Variants in CLXN observed in about 807,000 individuals in gnomAD.
CLXN encodes the protein EF-hand calcium binding domain 1.
the CLXN span, among the ~76,000 whole-genome samples, chr8:48,733,245 A>G: frequency 1.3e-5 from 2 of 152,144 alleles, no homozygotes; most frequent in African/African-American, 2.4e-5. Flanking sequence ...TTGGTTAGCC[A>G]TTTTTCCATC....
At chr8:48,729,885 TA>T in the CLXN span, 4 of 1,597,316 alleles carry the variant, frequency 2.5e-6, no homozygotes, top group Non-Finnish European at 3.4e-6. Flanking sequence ...TTTAAGAAAA[TA>T]ACAAATCATG....
the CLXN span, chr8:48,730,690 T>G: frequency 1.5e-4 from 164 of 1,127,444 alleles, 1 homozygote; most frequent in Non-Finnish European, 2.0e-4. Flanking sequence ...GCATAATAAC[T>G]CTCAGTAAAG....
the CLXN span, among the ~76,000 whole-genome samples, chr8:48,726,781 C>G: frequency 1.3e-5 from 2 of 149,532 alleles, 1 homozygote; most frequent in South Asian, 4.3e-4. Flanking sequence ...ACCCACCCAC[C>G]TCACCCATCA....
chr8:48,720,316 C>T, the CLXN span, among the ~76,000 whole-genome samples: 1 of 152,150 alleles, frequency 6.6e-6, no homozygotes, highest in Non-Finnish European at 1.5e-5. Context: ...TTGCAGACAG[C>T]CTATAAATGG....
the CLXN span, among the ~76,000 whole-genome samples, chr8:48,727,257 T>C: frequency 6.9e-6 from 1 of 145,458 alleles, no homozygotes; most frequent in Non-Finnish European, 1.5e-5. Flanking sequence ...CATCCATCCA[T>C]CTCTCATTAC....
At chr8:48,713,311 C>T in the CLXN span, among the ~76,000 whole-genome samples, 82 of 152,234 alleles carry the variant, frequency 5.4e-4, no homozygotes, top group Middle Eastern at 3.4e-3. Context: ...TTTGTAGTCG[C>T]TCTATGTCTA....
At chr8:48,725,958 C>T in the CLXN span, among the ~76,000 whole-genome samples, 1 of 151,852 alleles carries the variant, frequency 6.6e-6, no homozygotes, top group East Asian at 1.9e-4. Flanking sequence ...CCAGAGCTCC[C>T]CATCAGGCAC....
the CLXN span, chr8:48,712,416 C>A: frequency 6.6e-6 from 1 of 152,456 alleles, no homozygotes; most frequent in East Asian, 1.9e-4. Flanking sequence ...CCCCAGGGAC[C>A]TCTGTGAGCC....
At chr8:48,713,160 G>T in the CLXN span, among the ~76,000 whole-genome samples, 2 of 152,160 alleles carry the variant, frequency 1.3e-5, no homozygotes, top group African/African-American at 4.8e-5. Flanking sequence ...CTCAATCCCT[G>T]ACAGAGAGGG....
chr8:48,717,625 C>G, the CLXN span, among the ~76,000 whole-genome samples: 1 of 152,054 alleles, frequency 6.6e-6, no homozygotes, highest in Non-Finnish European at 1.5e-5. Flanking sequence ...AATATGTAGA[C>G]AAATACAGAA....
the CLXN span, chr8:48,714,063 C>T: frequency 6.6e-6 from 1 of 152,220 alleles, no homozygotes; most frequent in African/African-American, 2.4e-5. Flanking sequence ...TATAACTGCT[C>T]ATCCACAGTC....
chr8:48,720,591 G>A, the CLXN span, among the ~76,000 whole-genome samples: 6 of 152,184 alleles, frequency 3.9e-5, no homozygotes, highest in Non-Finnish European at 7.3e-5. Flanking sequence ...TGTTTAAGAT[G>A]TTTATCAAGA....
chr8:48,733,752 A>C, the CLXN span, among the ~76,000 whole-genome samples: 3 of 152,200 alleles, frequency 2.0e-5, no homozygotes, highest in Non-Finnish European at 4.4e-5. Flanking sequence ...AAAAATATAC[A>C]CTCACCTTTT....
chr8:48,725,593 C>T, the CLXN span, among the ~76,000 whole-genome samples: 8 of 152,024 alleles, frequency 5.3e-5, no homozygotes, highest in African/African-American at 1.2e-4. Context: ...CACTTGAGGT[C>T]GGGAGTTCGA....
At chr8:48,731,241 G>C in the CLXN span, 5 of 1,141,920 alleles carry the variant, frequency 4.4e-6, no homozygotes, top group Non-Finnish European at 5.9e-6. Context: ...AATGACACTG[G>C]GAATGCAAAA....
the CLXN span, among the ~76,000 whole-genome samples, chr8:48,730,375 T>A: frequency 1.3e-4 from 20 of 152,316 alleles, no homozygotes; most frequent in Admixed American, 1.0e-3. Context: ...TCTTTCATAT[T>A]TTATTGACTT....
the CLXN span, chr8:48,724,865 C>G: frequency 8.1e-6 from 11 of 1,350,014 alleles, no homozygotes; most frequent in Non-Finnish European, 1.0e-5. Context: ...ACAAAATATT[C>G]TGTATGTCTC....
chr8:48,727,201 T>C, the CLXN span, among the ~76,000 whole-genome samples: 22 of 38,398 alleles, frequency 5.7e-4, no homozygotes, highest in African/African-American at 1.0e-3. Flanking sequence ...ACCTCACCCA[T>C]TCATCTATCC....
chr8:48,729,308 T>C, the CLXN span, among the ~76,000 whole-genome samples: 2 of 152,088 alleles, frequency 1.3e-5, no homozygotes, highest in Admixed American at 6.6e-5. Flanking sequence ...GGTGATTCCT[T>C]GAGGCCAGAA....
Sources: gnomAD v4.1 joint callset for allele counts (sites outside exome capture counted in the v4.1 genomes callset) on GRCh38, gnomAD v4.1.1 for gene constraint, MANE v1.5 for transcripts, NCBI Gene and HGNC (gene_info 2026-07-23, HGNC 2026-07-21) for gene names.